Variants in SRPK2 observed in about 807,000 individuals in gnomAD.
SRPK2 encodes SFRS protein kinase 2.
A neutral mutation model predicts 90.8 loss-of-function variants in SRPK2; 21 were observed. That is an observed-to-expected ratio of 0.23 (90% CI 0.16 to 0.33). SRPK2 has a LOEUF of 0.33. SRPK2 is among the 10% of genes least tolerant of loss of function. The pLI is 1.00. For missense variants in SRPK2, 620 were observed against 869.0 expected, an observed-to-expected ratio of 0.71 and a Z score of 3.60; for synonymous variants, 288 against 311.1, an observed-to-expected ratio of 0.93 and a Z score of 0.78.
chr7:105,127,653 T>G (rs946551550), intron 13 of SRPK2, among the ~76,000 whole-genome samples: 2 of 152,214 alleles, frequency 1.3e-5, no homozygotes, highest in African/African-American at 2.4e-5. Flanking sequence ...CAGACCCTTT[T>G]GTGGATGTCA....
At chr7:105,314,830 C>T (rs976573654) in intron 2 of SRPK2, among the ~76,000 whole-genome samples, 2 of 152,200 alleles carry the variant, frequency 1.3e-5, no homozygotes, top group African/African-American at 2.4e-5. Context: ...ATGAGAAATT[C>T]ATTAAGTAAA....
intron 2 of SRPK2, among the ~76,000 whole-genome samples, chr7:105,333,865 A>C (rs1814738606): frequency 6.6e-6 from 1 of 152,184 alleles, no homozygotes. Context: ...AAATATACAC[A>C]GATTTCTTCC....
intron 2 of SRPK2, chr7:105,269,205 C>G: frequency 1.8e-6 from 1 of 552,712 alleles, no homozygotes; most frequent in Non-Finnish European, 2.3e-6. Context: ...TCTTGAACAT[C>G]TGAATTAAAT....
intron 2 of SRPK2, among the ~76,000 whole-genome samples, chr7:105,354,064 G>A (rs1257765639): frequency 1.3e-5 from 2 of 152,218 alleles, no homozygotes; most frequent in East Asian, 3.9e-4. Flanking sequence ...AACAGCTGCT[G>A]CATCTGCCTG....
intron 3 of SRPK2, among the ~76,000 whole-genome samples, chr7:105,191,974 A>C (rs998918595): frequency 5.3e-5 from 8 of 151,056 alleles, no homozygotes; most frequent in African/African-American, 1.9e-4. Flanking sequence ...TTGGCCTCCC[A>C]GAGTGCTAGG....
At chr7:105,141,076 G>A (rs1253508834) in intron 11 of SRPK2, among the ~76,000 whole-genome samples, 1 of 152,148 alleles carries the variant, frequency 6.6e-6, no homozygotes. Context: ...TACATTCTAT[G>A]TAAGCACCTT....
intron 2 of SRPK2, among the ~76,000 whole-genome samples, chr7:105,330,593 T>A (rs1214215166): frequency 6.6e-6 from 1 of 152,088 alleles, no homozygotes; most frequent in Non-Finnish European, 1.5e-5. Context: ...AATTAATGAA[T>A]TCGATAATTT....
chr7:105,339,605 G>A (rs1018386157), intron 2 of SRPK2, among the ~76,000 whole-genome samples: 1 of 152,244 alleles, frequency 6.6e-6, no homozygotes, highest in Non-Finnish European at 1.5e-5. Context: ...ATGAACTCCT[G>A]TGATCCCTGA....
At chr7:105,280,901 A>G (rs1191036572) in intron 2 of SRPK2, among the ~76,000 whole-genome samples, 2 of 124,096 alleles carry the variant, frequency 1.6e-5, no homozygotes, top group South Asian at 6.1e-4. Flanking sequence ...GAGCCGAGAT[A>G]GCGCCACTGC....
chr7:105,338,050 T>G (rs2131831978), intron 2 of SRPK2, among the ~76,000 whole-genome samples: 1 of 144,280 alleles, frequency 6.9e-6, no homozygotes, highest in Admixed American at 7.1e-5. Context: ...TTTCCTATAA[T>G]TAAAAAAAAC....
intron 2 of SRPK2, among the ~76,000 whole-genome samples, chr7:105,371,718 CAAAAAAAG>C (rs1046976517): frequency 1.3e-5 from 2 of 151,486 alleles, no homozygotes; most frequent in African/African-American, 4.9e-5. Flanking sequence ...GACCCTGTCT[CAAAAAAAG>C]AAAAAGAAAT....
At chr7:105,182,727 C>A (rs2129599417) in intron 3 of SRPK2, among the ~76,000 whole-genome samples, 1 of 152,308 alleles carries the variant, frequency 6.6e-6, no homozygotes, top group South Asian at 2.1e-4. Flanking sequence ...CTTGGCCTCC[C>A]AAAGTGCTGG....
At chr7:105,266,438 A>G (rs1259186209) in intron 2 of SRPK2, among the ~76,000 whole-genome samples, 1 of 152,170 alleles carries the variant, frequency 6.6e-6, no homozygotes, top group East Asian at 1.9e-4. Context: ...CTGAATTATC[A>G]AAAGATAATT....
intron 2 of SRPK2, among the ~76,000 whole-genome samples, chr7:105,253,251 C>G (rs1802738002): frequency 6.6e-6 from 1 of 152,150 alleles, no homozygotes; most frequent in Non-Finnish European, 1.5e-5. Flanking sequence ...CATAATATTC[C>G]CACCAATTTC....
intron 2 of SRPK2, among the ~76,000 whole-genome samples, chr7:105,385,773 C>T (rs1231419562): frequency 3.3e-5 from 5 of 152,164 alleles, no homozygotes; most frequent in South Asian, 4.1e-4. Flanking sequence ...TTTCCTGTGT[C>T]CCTGTTTCAC....
At chr7:105,176,184 C>A (rs1367886412) in intron 3 of SRPK2, among the ~76,000 whole-genome samples, 1 of 152,158 alleles carries the variant, frequency 6.6e-6, no homozygotes, top group Non-Finnish European at 1.5e-5. Context: ...CAAAATCCAA[C>A]TGATGTAATT....
intron 3 of SRPK2, among the ~76,000 whole-genome samples, chr7:105,197,195 GT>G (rs1288932923): frequency 1.3e-5 from 2 of 152,100 alleles, no homozygotes; most frequent in African/African-American, 4.8e-5. Context: ...CCAGTCTACC[GT>G]TTTCACAGAT....
chr7:105,229,712 G>A (rs1179612675), intron 2 of SRPK2, among the ~76,000 whole-genome samples: 1 of 151,112 alleles, frequency 6.6e-6, no homozygotes. Context: ...GAGGTTAAGA[G>A]CTGAGAAATA....
intron 2 of SRPK2, among the ~76,000 whole-genome samples, chr7:105,309,253 T>C (rs1032169336): frequency 2.0e-5 from 3 of 151,942 alleles, no homozygotes; most frequent in Non-Finnish European, 4.4e-5. Flanking sequence ...AAAAAGCTCA[T>C]TTTACCTAAA....
Sources: allele counts gnomAD v4.1 joint callset (sites outside exome capture counted in the v4.1 genomes callset), GRCh38; gene constraint gnomAD v4.1.1; transcripts MANE v1.5; gene names NCBI Gene and HGNC (gene_info 2026-07-23, HGNC 2026-07-21).